TTC28: variants seen among roughly 807,000 people sequenced by gnomAD.
The protein encoded by TTC28 is tetratricopeptide repeat protein 28.
TTC28 carries 61 observed loss-of-function variants against 198.0 expected under a neutral mutation model. The ratio of observed to expected loss-of-function variants is 0.31; its 90% confidence interval spans 0.25 to 0.38. The LOEUF is 0.38. Ranked by LOEUF, TTC28 falls within the 10% of genes least tolerant of loss-of-function variation. The pLI is 1.00. For missense variants in TTC28, 2,678 were observed against 3,164.0 expected, an observed-to-expected ratio of 0.85 and a Z score of 3.69; for synonymous variants, 1,171 against 1,297.8, an observed-to-expected ratio of 0.90 and a Z score of 2.10.
chr22:28,387,166 C>T (rs539873171), intron 2 of TTC28, among the ~76,000 whole-genome samples: 2 of 152,298 alleles, frequency 1.3e-5, no homozygotes, highest in African/African-American at 4.8e-5. Flanking sequence ...CTACAAAGGA[C>T]GTGAACTCAT....
intron 2 of TTC28, among the ~76,000 whole-genome samples, chr22:28,541,777 C>T (rs1453646375): frequency 2.0e-5 from 3 of 151,870 alleles, no homozygotes; most frequent in African/African-American, 7.3e-5. Context: ...ATGAAAAATA[C>T]AATATCTGAA....
chr22:28,127,125 C>A (rs1942935781), intron 6 of TTC28, among the ~76,000 whole-genome samples: 1 of 152,108 alleles, frequency 6.6e-6, no homozygotes, highest in Non-Finnish European at 1.5e-5. Flanking sequence ...CAAAGTCAGG[C>A]CCTGTTAAAA....
intron 2 of TTC28, among the ~76,000 whole-genome samples, chr22:28,434,657 ACTTATGCCTGAAAATCT>A (rs2047490448): frequency 6.6e-6 from 1 of 152,212 alleles, no homozygotes; most frequent in South Asian, 2.1e-4. Flanking sequence ...CAACAGTCTT[ACTTATGCCTGAAAATCT>A]CTACTTCATA....
intron 2 of TTC28, among the ~76,000 whole-genome samples, chr22:28,347,660 T>C (rs2045928181): frequency 6.6e-6 from 1 of 152,082 alleles, no homozygotes; most frequent in South Asian, 2.1e-4. Flanking sequence ...TCACTTGATG[T>C]CAGGAGTTCG....
intron 5 of TTC28, among the ~76,000 whole-genome samples, chr22:28,166,320 G>A (rs373524569): frequency 1.9e-4 from 29 of 152,172 alleles, no homozygotes; most frequent in African/African-American, 3.1e-4. Context: ...TGCACCAAGC[G>A]GACCTAACAG....
chr22:28,088,774 G>C (rs1941712655), intron 12 of TTC28, among the ~76,000 whole-genome samples: 1 of 151,996 alleles, frequency 6.6e-6, no homozygotes, highest in South Asian at 2.1e-4. Context: ...TCTGACAAAG[G>C]GCTAATATCC....
chr22:28,078,917 G>A (rs149618233), intron 12 of TTC28, among the ~76,000 whole-genome samples: 10 of 152,300 alleles, frequency 6.6e-5, no homozygotes, highest in Admixed American at 3.9e-4. Flanking sequence ...GGAAGAGCAT[G>A]TGGATAACTC....
chr22:28,097,001 C>G (rs186845633), intron 10 of TTC28, among the ~76,000 whole-genome samples: 1 of 152,172 alleles, frequency 6.6e-6, no homozygotes, highest in Non-Finnish European at 1.5e-5. Flanking sequence ...GACGGGGTTT[C>G]GCCATGTTGG....
At chr22:28,490,454 C>T (rs781007096) in intron 2 of TTC28, among the ~76,000 whole-genome samples, 8 of 152,168 alleles carry the variant, frequency 5.3e-5, no homozygotes, top group Admixed American at 1.3e-4. Flanking sequence ...CGTTCTTTCA[C>T]ATTCCTTTGA....
At chr22:28,181,405 A>G (rs1267356393) in intron 5 of TTC28, among the ~76,000 whole-genome samples, 2 of 152,124 alleles carry the variant, frequency 1.3e-5, no homozygotes, top group African/African-American at 4.8e-5. Flanking sequence ...ATAAGATATG[A>G]AAGTTGGCAA....
At chr22:28,644,835 A>G (rs2051430279) in intron 1 of TTC28, among the ~76,000 whole-genome samples, 1 of 151,876 alleles carries the variant, frequency 6.6e-6, no homozygotes, top group Non-Finnish European at 1.5e-5. Flanking sequence ...AAATTAAACT[A>G]AATTAAAATT....
intron 14 of TTC28, among the ~76,000 whole-genome samples, chr22:28,004,233 G>A (rs555317808): frequency 4.6e-5 from 7 of 152,174 alleles, no homozygotes; most frequent in East Asian, 1.9e-4. Context: ...CTGTGGGGGC[G>A]CTGAAGATCA....
chr22:28,152,273 G>A (rs1943626242), intron 6 of TTC28, among the ~76,000 whole-genome samples: 1 of 152,274 alleles, frequency 6.6e-6, no homozygotes, highest in African/African-American at 2.4e-5. Flanking sequence ...TCTTCTCCCT[G>A]GGCATGAACA....
chr22:28,291,997 A>G (rs2044796326), intron 5 of TTC28, among the ~76,000 whole-genome samples: 1 of 152,012 alleles, frequency 6.6e-6, no homozygotes, highest in Non-Finnish European at 1.5e-5. Flanking sequence ...AAAAGAGCAT[A>G]CCAAAAATAT....
intron 2 of TTC28, among the ~76,000 whole-genome samples, chr22:28,567,479 C>CATATATACATATATATATAT (rs2049992485): frequency 2.0e-5 from 1 of 51,128 alleles, no homozygotes; most frequent in African/African-American, 7.0e-5. Context: ...TACATACATA[C>CATATATACATATATATATAT]ATATATATAT....
chr22:28,556,776 G>T lies in TTC28; in HGVS notation c.381+72776C>A, dbSNP rs5997375. Among the ~76,000 whole-genome samples, 1,227 of 152,300 alleles carry T rather than the reference G, an allele frequency of 8.1e-3. 20 individuals carry two copies. The highest frequency in any genetic ancestry group is 0.027 in the African/African-American group (1,129 of 41,552). ...TAGAGCTATAATCATCTGAAGGGCT[G>T]GCCAGGGCAGAAGGATACACTTCCA... On this transcript the variant is annotated intron_variant, in intron 2 of 22. Coordinates refer to ENST00000397906, the MANE Select transcript of TTC28 (RefSeq NM_001145418.2).
At chr22:28,102,184 G>A (rs1205603013) in intron 8 of TTC28, among the ~76,000 whole-genome samples, 1 of 152,156 alleles carries the variant, frequency 6.6e-6, no homozygotes. Flanking sequence ...AGTGTTAATA[G>A]AAGATACATA....
At chr22:28,257,556 A>C (rs979018661) in intron 5 of TTC28, among the ~76,000 whole-genome samples, 1 of 151,764 alleles carries the variant, frequency 6.6e-6, no homozygotes, top group Non-Finnish European at 1.5e-5. Flanking sequence ...TAAAAAAGCA[A>C]ATCCCATGAA....
intron 2 of TTC28, among the ~76,000 whole-genome samples, chr22:28,479,790 G>T (rs2146319240): frequency 6.6e-6 from 1 of 151,962 alleles, no homozygotes; most frequent in East Asian, 1.9e-4. Flanking sequence ...CTTCATCTTT[G>T]CCATTCTACC....
Sources: allele counts gnomAD v4.1 joint callset (sites outside exome capture counted in the v4.1 genomes callset), GRCh38; gene constraint gnomAD v4.1.1; transcripts MANE v1.5; gene names NCBI Gene and HGNC (gene_info 2026-07-23, HGNC 2026-07-21).